ENPEP: variants seen among roughly 807,000 people sequenced by gnomAD.
ENPEP encodes AP-A.
Under a neutral mutation model 114.5 loss-of-function variants are expected in ENPEP, and 103 were observed. The observed-to-expected ratio is 0.90, with a 90% CI of 0.77 to 1.06. The LOEUF (loss-of-function observed/expected upper bound fraction) is 1.06. Ranked by LOEUF, ENPEP falls within the 50% of genes least tolerant of loss-of-function variation. The pLI is 0.00. For missense variants in ENPEP, 1,196 were observed against 1,161.3 expected (o/e 1.03, Z -0.43); for synonymous variants, 420 against 422.0 (o/e 1.00, Z 0.06).
rs1320779382 is a variant in ENPEP at position 110,520,370 on chromosome 4, A to G, written c.1727+4A>G. 6.2e-7 allele frequency: 1 copy of G among 1,613,786 alleles called. No homozygotes were observed. The highest frequency in any genetic ancestry group is 2.2e-5 in the East Asian group (1 of 44,862). ...CTCAGCCCCCTTCAGATCTTGGGTA[A>G]GGCTCTATAATGCATTGAAAAAAAC... On this transcript the variant is annotated splice_donor_region_variant and intron_variant, in intron 10 of 19. Coordinates refer to ENST00000265162, the MANE Select transcript of ENPEP (RefSeq NM_001977.4).
chr4:110,476,491 T>A lies in ENPEP; in HGVS notation c.77T>A (p.Val26Glu), dbSNP rs1425177814. 2 of 1,580,404 alleles carry A rather than the reference T, an allele frequency of 1.3e-6. No homozygotes were observed. The highest frequency in any genetic ancestry group is 1.7e-6 in the Non-Finnish European group (2 of 1,159,582). Reference protein sequence around the residue: ...TKHVAILCAVVVGVGLIVGLA... With the variant: ...TKHVAILCAVEVGVGLIVGLA... ...CATGTGGCCATTCTCTGTGCGGTGG[T>A]GGTGGGTGTAGGATTAATAGTGGGA... Residue 26 changes from valine to glutamate, a missense_variant, in exon 1 of 20, where the codon GTG (valine) becomes GAG (glutamate). Transcript: ENST00000265162.
At position 110,476,303 on chromosome 4, in the gene ENPEP, A is replaced by G. The variant is rs1453377708; in HGVS notation, c.-112A>G. 7.1e-7 allele frequency: 1 copy of G among 1,401,686 alleles called. No homozygotes were observed. Among genetic ancestry groups the G allele is most frequent in the African/African-American group, 1.4e-5 (1 of 69,566 alleles). 86.8% of individuals were successfully genotyped at this position (1,401,686 alleles called of 1,614,324 possible). A position where few individuals can be genotyped will look rare whatever the true frequency, so the allele number is the denominator to read the frequency against. On this transcript the variant is annotated 5_prime_UTR_variant, in exon 1 of 20. Coordinates refer to ENST00000265162, the MANE Select transcript of ENPEP (RefSeq NM_001977.4). The stretch of plus-strand genomic sequence containing the variant: ...AGAGAGAGGGGTGTGGGAAAAGCGA[A>G]AACAGGCTGCCAAATCAGGGGATTC...
chr4:110,537,036 A>G (rs1415590214), intron 11 of ENPEP, among the ~76,000 whole-genome samples: 2 of 152,228 alleles, frequency 1.3e-5, no homozygotes, highest in Non-Finnish European at 2.9e-5. Flanking sequence ...AAAATAATTT[A>G]TTGCTAAAAA....
Position 110,534,504 on chromosome 4 carries a change from C to CTTTTTTTTTTTTTTTTTTTTT in ENPEP, c.1807+3247_1807+3248insTTTTTTTTTTTTTTTTTTTTT, listed in dbSNP as rs71595561. 1.1e-4 allele frequency among the ~76,000 whole-genome samples: 6 copies of CTTTTTTTTTTTTTTTTTTTTT among 52,276 alleles called. 2 individuals are homozygous for CTTTTTTTTTTTTTTTTTTTTT. Among genetic ancestry groups the CTTTTTTTTTTTTTTTTTTTTT allele is most frequent in the Non-Finnish European group, 1.4e-4 (4 of 28,478 alleles). The allele number at this position is 52,276 out of a possible 152,430, so 34.3% of individuals were successfully genotyped here. ...CATATGTTCTCTCTTTTCGTTGTTT[C>CTTTTTTTTTTTTTTTTTTTTT]TTTTTTTTTTTTTTTTTTTTGGGAC... On this transcript the variant is annotated intron_variant, in intron 11 of 19. Coordinates refer to ENST00000265162, the MANE Select transcript of ENPEP (RefSeq NM_001977.4).
In ENPEP at chr4:110,510,335, C is replaced by T; in HGVS notation, c.1285C>T (p.His429Tyr). Reference sequence around the variant, plus strand: ...TTTCTTTGAGTTTCTGGGAGTAAACCATGCAGAAACAGACTGGCAAATGGT... The same window carrying T: ...TTTCTTTGAGTTTCTGGGAGTAAACTATGCAGAAACAGACTGGCAAATGGT... ...ASFFEFLGVNHAETDWQMRDQ... is the reference protein window; with the variant it reads ...ASFFEFLGVNYAETDWQMRDQ... The change falls in exon 6 of 20, where the codon CAT (histidine) becomes TAT (tyrosine). Residue 429 changes from histidine (H) to tyrosine (Y), a missense_variant. By Grantham distance (83) the His-to-Tyr change is moderately conservative. Transcript: ENST00000265162. 2 of 1,614,020 alleles carry T rather than the reference C, an allele frequency of 1.2e-6. No individual in the cohort carries two copies. The highest frequency in any genetic ancestry group is 1.3e-5 in the African/African-American group (1 of 75,022).
chr4:110,523,828 C>T (rs1450117184), intron 10 of ENPEP, among the ~76,000 whole-genome samples: 1 of 152,142 alleles, frequency 6.6e-6, no homozygotes, highest in Non-Finnish European at 1.5e-5. Flanking sequence ...AACTTAGTAA[C>T]ATTTTCTTGT....
intron 8 of ENPEP, 51 bp downstream of exon 8, chr4:110,515,493 G>A: frequency 7.2e-7 from 1 of 1,388,070 alleles, no homozygotes; most frequent in Non-Finnish European, 1.0e-6. Context: ...ATTGATATGT[G>A]GCTGGTGAAT....
At chr4:110,529,002 A>G (rs1405818678) in intron 10 of ENPEP, among the ~76,000 whole-genome samples, 1 of 152,210 alleles carries the variant, frequency 6.6e-6, no homozygotes, top group Non-Finnish European at 1.5e-5. Context: ...TTCTAAAACT[A>G]TAAAATTGTA....
At chr4:110,535,766 C>T (rs763949366) in intron 11 of ENPEP, among the ~76,000 whole-genome samples, 77 of 152,200 alleles carry the variant, frequency 5.1e-4, no homozygotes, top group African/African-American at 1.8e-3. Flanking sequence ...GCAGGTGGAT[C>T]GCCTGAGGTC....
intron 1 of ENPEP, among the ~76,000 whole-genome samples, chr4:110,481,166 A>C (rs1325127083): frequency 3.3e-5 from 5 of 152,138 alleles, no homozygotes; most frequent in African/African-American, 1.2e-4. Context: ...AGCAGGGGAG[A>C]GATTCTGTGG....
chr4:110,501,034 C>T (rs767889442), intron 3 of ENPEP, among the ~76,000 whole-genome samples: 22 of 152,254 alleles, frequency 1.4e-4, no homozygotes, highest in Admixed American at 5.2e-4. Context: ...TCTGTTGTTA[C>T]ACGGATTACA....
chr4:110,498,466 T>C (rs1245701361), intron 3 of ENPEP, among the ~76,000 whole-genome samples: 1 of 152,062 alleles, frequency 6.6e-6, no homozygotes, highest in Non-Finnish European at 1.5e-5. Context: ...TATAAATATA[T>C]ATATAATAAA....
chr4:110,496,857 G>A (rs1447578145), intron 3 of ENPEP, among the ~76,000 whole-genome samples: 1 of 152,180 alleles, frequency 6.6e-6, no homozygotes. Context: ...TGCTAACTTT[G>A]ATCACTTGGT....
chr4:110,487,898 T>A (rs1013339469), intron 1 of ENPEP, among the ~76,000 whole-genome samples: 6 of 151,268 alleles, frequency 4.0e-5, no homozygotes, highest in African/African-American at 1.5e-4. Flanking sequence ...GTTAGAGCCA[T>A]AAAAAAAAAT....
chr4:110,491,718 CTTT>C lies in ENPEP; in HGVS notation c.918+572_918+574del, dbSNP rs970695793. On this transcript the variant is annotated intron_variant, in intron 3 of 19. Transcript: ENST00000265162. ...ACTAGTTCAATAGTTTTCTTTCTTT[CTTT>C]TTTTTTTTTTTTTTTTTGAGACGGA... is the stretch of plus-strand genomic sequence containing the variant. 1.1e-3 allele frequency among the ~76,000 whole-genome samples: 73 copies of C among 66,048 alleles called. 1 individual carries two copies. In the Middle Eastern group the frequency reaches 0.035, roughly 31 times the overall value. 43.3% of individuals were successfully genotyped at this position (66,048 alleles called of 152,430 possible).
At chr4:110,541,098 G>T (rs754490881) in intron 11 of ENPEP, among the ~76,000 whole-genome samples, 2 of 152,082 alleles carry the variant, frequency 1.3e-5, no homozygotes, top group African/African-American at 4.8e-5. Flanking sequence ...CAAAAGATTA[G>T]CTTCCTTTCA....
chr4:110,484,754 T>TTA (rs938275845), intron 1 of ENPEP, among the ~76,000 whole-genome samples: 5 of 127,050 alleles, frequency 3.9e-5, no homozygotes, highest in African/African-American at 9.5e-5. Context: ...ATATTATATT[T>TTA]TATATATATA....
intron 18 of ENPEP, among the ~76,000 whole-genome samples, chr4:110,556,138 TAG>T (rs1017330293): frequency 2.9e-4 from 44 of 152,214 alleles, no homozygotes; most frequent in African/African-American, 1.1e-3. Context: ...TTTGAATCTA[TAG>T]AATCTCATCA....
intron 1 of ENPEP, among the ~76,000 whole-genome samples, chr4:110,482,965 C>T (rs1578389404): frequency 6.6e-6 from 1 of 152,206 alleles, no homozygotes; most frequent in East Asian, 1.9e-4. Flanking sequence ...GTCAAGATCG[C>T]GCCACTGCAC....
Sources: allele counts gnomAD v4.1 joint callset (sites outside exome capture counted in the v4.1 genomes callset), GRCh38; gene constraint gnomAD v4.1.1; transcripts MANE v1.5; gene names NCBI Gene and HGNC (gene_info 2026-07-23, HGNC 2026-07-21).